MECOM: variants seen among roughly 807,000 people sequenced by gnomAD.
The protein encoded by MECOM is histone-lysine N-methyltransferase MECOM.
MECOM carries 13 observed loss-of-function variants against 116.3 expected under a neutral mutation model. The observed-to-expected ratio is 0.11, with a 90% CI of 0.07 to 0.18. The LOEUF (loss-of-function observed/expected upper bound fraction) is 0.18, where lower values mean the gene tolerates loss of function less well. Among genes scored for constraint, MECOM ranks in the 10% least tolerant of loss-of-function variants. The pLI is 1.00. For synonymous variants in MECOM, 528 were observed against 535.2 expected, an observed-to-expected ratio of 0.99 and a Z score of 0.19; for missense variants, 1,299 against 1,509.0, an observed-to-expected ratio of 0.86 and a Z score of 2.31.
intron 1 of MECOM, among the ~76,000 whole-genome samples, chr3:169,443,799 G>C (rs77685447): frequency 0.046 from 7,037 of 152,162 alleles, 392 homozygotes; most frequent in African/African-American, 0.13. Context: ...TTTAGCAATC[G>C]CTCCCTGAGG....
intron 1 of MECOM, among the ~76,000 whole-genome samples, chr3:169,558,952 T>C (rs577515289): frequency 5.3e-5 from 8 of 152,218 alleles, no homozygotes; most frequent in African/African-American, 1.7e-4. Flanking sequence ...TATCTTCTCA[T>C]CATTTTTCAT....
rs1553811020 is a variant in MECOM at position 169,338,600 on chromosome 3, G to GGGGTGT, written c.375+42586_375+42587insACACCC. ...ATTTAGGAAATGTATTTATGTTAGG[G>GGGGTGT]GTGTGTGTGTGTGTGTGTGTGTGTG... On this transcript the variant is annotated intron_variant, in intron 2 of 16. Transcript: ENST00000651503. 8.4e-4 allele frequency among the ~76,000 whole-genome samples: 123 copies of GGGGTGT among 146,546 alleles called. 1 individual carries two copies. The highest frequency in any genetic ancestry group is 2.9e-3 in the African/African-American group (113 of 39,624).
At chr3:169,531,574 C>G (rs1025053028) in intron 1 of MECOM, among the ~76,000 whole-genome samples, 1 of 152,118 alleles carries the variant, frequency 6.6e-6, no homozygotes, top group Admixed American at 6.5e-5. Flanking sequence ...GGCCATCAAA[C>G]TACAAAGACC....
intron 1 of MECOM, among the ~76,000 whole-genome samples, chr3:169,422,139 T>G (rs1463009126): frequency 6.6e-6 from 1 of 152,162 alleles, no homozygotes; most frequent in Non-Finnish European, 1.5e-5. Flanking sequence ...TTTGTACCAA[T>G]AAATACTCTC....
chr3:169,346,240 T>C (rs1030125943), intron 2 of MECOM, among the ~76,000 whole-genome samples: 8 of 152,108 alleles, frequency 5.3e-5, no homozygotes, highest in Admixed American at 2.0e-4. Context: ...AACAACCTAA[T>C]TGCCTTACCT....
At position 169,663,471 on chromosome 3, in the gene MECOM, C is replaced by T; in HGVS notation, c.-99G>A. 1 of 1,034,282 alleles carries T rather than the reference C, an allele frequency of 9.7e-7. No homozygotes were observed. Among genetic ancestry groups the T allele is most frequent in the Admixed American group, 2.4e-5 (1 of 41,918 alleles). 64.1% of individuals were successfully genotyped at this position (1,034,282 alleles called of 1,614,324 possible). On this transcript the variant is annotated 5_prime_UTR_variant, in exon 1 of 17. Transcript: ENST00000651503. ...TCCCTCTCGCTCCCTCCCTCTCTCT[C>T]CTGTCTCTCTCTCTCTCTCTCTCTC...
intron 1 of MECOM, among the ~76,000 whole-genome samples, chr3:169,638,347 G>C (rs1404039426): frequency 2.6e-5 from 4 of 151,948 alleles, no homozygotes; most frequent in African/African-American, 7.3e-5. Context: ...TGGCCCCTTT[G>C]TGTGACCCTC....
chr3:169,111,352 A>G (rs1487690977), intron 9 of MECOM, among the ~76,000 whole-genome samples: 2 of 152,178 alleles, frequency 1.3e-5, no homozygotes, highest in Non-Finnish European at 2.9e-5. Flanking sequence ...TAATTTTTGT[A>G]ACATTAATGT....
intron 1 of MECOM, among the ~76,000 whole-genome samples, chr3:169,409,330 T>A (rs748610948): frequency 1.6e-4 from 25 of 152,226 alleles, no homozygotes; most frequent in Non-Finnish European, 3.1e-4. Context: ...CCTTCAGGAA[T>A]TTGAAAATGA....
chr3:169,489,101 AC>A (rs1287669916), intron 1 of MECOM, among the ~76,000 whole-genome samples: 1 of 152,162 alleles, frequency 6.6e-6, no homozygotes, highest in Non-Finnish European at 1.5e-5. Context: ...ACTATGAACA[AC>A]TTTTAAGTCA....
chr3:169,448,527 T>C (rs889587185), intron 1 of MECOM, among the ~76,000 whole-genome samples: 2 of 152,210 alleles, frequency 1.3e-5, no homozygotes, highest in Non-Finnish European at 2.9e-5. Flanking sequence ...AAGGCACCTG[T>C]AAATTTGGGA....
At chr3:169,610,505 G>GTGTT (rs1553898638) in intron 1 of MECOM, among the ~76,000 whole-genome samples, 3 of 118,762 alleles carry the variant, frequency 2.5e-5, no homozygotes, top group Non-Finnish European at 5.6e-5. Flanking sequence ...TTACGTGTGT[G>GTGTT]TGTGTGTGTG....
In MECOM at chr3:169,083,867, T is replaced by C. The variant is rs1041228862; in HGVS notation, c.*1042A>G. The C allele has an allele frequency of 4.6e-6, 1 of 219,032 alleles. No homozygotes were observed. Among genetic ancestry groups the C allele is most frequent in the Non-Finnish European group, 9.2e-6 (1 of 109,084 alleles). 13.6% of individuals were successfully genotyped at this position (219,032 alleles called of 1,614,324 possible). ...AAAGAAATTATAATCGTTTATACAA[T>C]TGAATCGATTTCAGTATTACAAAAA... On this transcript the variant is annotated 3_prime_UTR_variant, in exon 17 of 17. Transcript: ENST00000651503.
At chr3:169,101,060 T>A in intron 11 of MECOM, 98 bp from the exon 12 acceptor site, 2 of 655,422 alleles carry the variant, frequency 3.1e-6, no homozygotes, top group Non-Finnish European at 5.0e-6. Flanking sequence ...ATTCAATTAA[T>A]CTTGCATGGA....
At chr3:169,326,063 A>G (rs938068845) in intron 2 of MECOM, among the ~76,000 whole-genome samples, 10 of 152,216 alleles carry the variant, frequency 6.6e-5, no homozygotes, top group Non-Finnish European at 1.0e-4. Context: ...GTGTGTGTCA[A>G]CAGGGCTGTG....
At chr3:169,599,982 T>C (rs1767633501) in intron 1 of MECOM, among the ~76,000 whole-genome samples, 1 of 152,168 alleles carries the variant, frequency 6.6e-6, no homozygotes, top group Non-Finnish European at 1.5e-5. Context: ...ACTTACTTTT[T>C]TTTTTCTGAG....
chr3:169,608,993 C>T (rs1359425713), intron 1 of MECOM, among the ~76,000 whole-genome samples: 1 of 152,094 alleles, frequency 6.6e-6, no homozygotes, highest in Non-Finnish European at 1.5e-5. Flanking sequence ...CCATCTCACC[C>T]GCACCAAACA....
intron 5 of MECOM, among the ~76,000 whole-genome samples, chr3:169,124,267 C>T (rs1467108333): frequency 6.6e-6 from 1 of 151,870 alleles, no homozygotes; most frequent in Non-Finnish European, 1.5e-5. Flanking sequence ...GATGTTAACA[C>T]CACAATGATA....
intron 1 of MECOM, among the ~76,000 whole-genome samples, chr3:169,567,907 A>G (rs1203780617): frequency 1.3e-5 from 2 of 152,192 alleles, no homozygotes; most frequent in Admixed American, 6.5e-5. Flanking sequence ...GTTAAATTCA[A>G]AAAACAAAAA....
Sources: gnomAD v4.1 joint callset for allele counts (sites outside exome capture counted in the v4.1 genomes callset) on GRCh38, gnomAD v4.1.1 for gene constraint, MANE v1.5 for transcripts, NCBI Gene and HGNC (gene_info 2026-07-23, HGNC 2026-07-21) for gene names.